The following DLEC1 variants were observed in gnomAD, a reference collection of about 807,000 sequenced individuals.
DLEC1 encodes deleted in lung and esophageal cancer protein 1.
DLEC1 carries 146 observed loss-of-function variants against 198.1 expected under a neutral mutation model. That is an observed-to-expected ratio of 0.74 (90% CI 0.64 to 0.85). The LOEUF (loss-of-function observed/expected upper bound fraction) is 0.85. DLEC1 is among the 40% of genes least tolerant of loss of function. DLEC1 has a pLI of 0.00. For synonymous variants in DLEC1, 897 were observed against 866.8 expected (o/e 1.03, Z -0.61); for missense variants, 2,233 against 2,220.0 (o/e 1.01, Z -0.12).
At chr3:38,085,963 C>A (rs1698434101) in intron 8 of DLEC1, among the ~76,000 whole-genome samples, 1 of 152,192 alleles carries the variant, frequency 6.6e-6, no homozygotes, top group Admixed American at 6.5e-5. Context: ...GCTGGGTGGC[C>A]CTGGCTGAGC....
chr3:38,072,244 G>T (rs1403137400), intron 6 of DLEC1, among the ~76,000 whole-genome samples: 1 of 152,196 alleles, frequency 6.6e-6, no homozygotes, highest in African/African-American at 2.4e-5. Context: ...AGGAGCCGGG[G>T]AGCAGAAAGT....
At chr3:38,054,222 C>A (rs1040282441) in intron 2 of DLEC1, among the ~76,000 whole-genome samples, 6 of 148,514 alleles carry the variant, frequency 4.0e-5, no homozygotes, top group Non-Finnish European at 5.9e-5. Flanking sequence ...AACAAAAAAA[C>A]AAACAAACAA....
At chr3:38,045,917 C>A (rs749000878) in intron 2 of DLEC1, among the ~76,000 whole-genome samples, 17 of 152,270 alleles carry the variant, frequency 1.1e-4, no homozygotes, top group South Asian at 6.2e-4. Flanking sequence ...CAGCATATAA[C>A]CCCCACAACC....
rs200230021 is a variant in DLEC1 at position 38,122,549 on chromosome 3, C to T, written c.*137C>T. 2.1e-4 allele frequency: 337 copies of T among 1,609,314 alleles called. No homozygotes were observed. The highest frequency in any genetic ancestry group is 2.7e-4 in the Non-Finnish European group (322 of 1,178,876). ...GGGCAGCTCCTGGAATGGAAGAACC[C>T]CCTTCCACAATGGTCTCAGCCTAGG... is the stretch of plus-strand genomic sequence containing the variant. On this transcript the variant is annotated 3_prime_UTR_variant, in exon 37 of 37. Coordinates refer to ENST00000308059, the MANE Select transcript of DLEC1 (RefSeq NM_007335.4).
rs7652276 is a variant in DLEC1 at position 38,084,214 on chromosome 3, G to A, written c.1230G>A (p.Pro410=). 507,354 of 1,612,136 alleles carry A rather than the reference G, an allele frequency of 0.31. 82,454 individuals are homozygous for A. The highest frequency in any genetic ancestry group is 0.51 in the East Asian group (22,753 of 44,836). Residue 410 remains proline, a synonymous_variant, in exon 7 of 37, where the codon CCG becomes CCA. Coordinates refer to ENST00000308059, the MANE Select transcript of DLEC1 (RefSeq NM_007335.4). ...TTTSRYLRVL[P]PSTPYFALGL... ...CCAGCCGCTACCTGCGAGTCCTCCCGCCTTCCACGCCATACTTCGCTCTGG... is the reference window on the plus strand; with the variant it reads ...CCAGCCGCTACCTGCGAGTCCTCCCACCTTCCACGCCATACTTCGCTCTGG...
rs1210461598 is a variant in DLEC1 at position 38,097,817 on chromosome 3, C to G, written c.2639C>G (p.Ser880Cys). 1.2e-6 allele frequency: 2 copies of G among 1,614,222 alleles called. No homozygotes were observed. The highest frequency in any genetic ancestry group is 2.2e-5 in the South Asian group (2 of 91,086). Residue 880 changes from serine to cysteine, a missense_variant, in exon 18 of 37, where the codon TCC (serine) becomes TGC (cysteine). Ser to Cys is a moderately radical substitution (Grantham distance 112). Coordinates refer to ENST00000308059, the MANE Select transcript of DLEC1 (RefSeq NM_007335.4). The stretch of plus-strand genomic sequence containing the variant: ...CGCCTGGGGCAGAAAGCCACAAACT[C>G]CATCCAGATCCGGAACGTCAGCCAG... ...LLRLGQKATNSIQIRNVSQLP... is the reference protein window; with the variant it reads ...LLRLGQKATNCIQIRNVSQLP...
In DLEC1 at chr3:38,108,422, A is replaced by G. The variant is rs1426729283; in HGVS notation, c.3036A>G (p.Ala1012=). The change falls in exon 21 of 37, where the codon GCA becomes GCG. Residue 1012 remains alanine (A), a synonymous_variant. Coordinates refer to ENST00000308059, the MANE Select transcript of DLEC1 (RefSeq NM_007335.4). ...FHWGKLLGHQ[A]EFCMVTVSPK... Reference sequence around the variant, plus strand: ...TCTGCCAGCTCCTCGGACACCAAGCAGAATTCTGCATGGTGACAGTCTCCC... The same window carrying G: ...TCTGCCAGCTCCTCGGACACCAAGCGGAATTCTGCATGGTGACAGTCTCCC... 1 of 1,614,124 alleles carries G rather than the reference A, an allele frequency of 6.2e-7. No individual in the cohort carries two copies. Among genetic ancestry groups the G allele is most frequent in the East Asian group, 2.2e-5 (1 of 44,888 alleles).
chr3:38,046,827 G>A (rs1288751818), intron 2 of DLEC1, among the ~76,000 whole-genome samples: 2 of 147,376 alleles, frequency 1.4e-5, no homozygotes, highest in Non-Finnish European at 3.0e-5. Context: ...CATGTCACAT[G>A]CAATTGTCAT....
chr3:38,072,788 A>G (rs184347889), intron 6 of DLEC1, among the ~76,000 whole-genome samples: 1 of 152,310 alleles, frequency 6.6e-6, no homozygotes, highest in East Asian at 1.9e-4. Flanking sequence ...GTGTGTTTTT[A>G]TGAAGAATTA....
In DLEC1 at chr3:38,039,314, C is replaced by A. The variant is rs370091458; in HGVS notation, c.89C>A (p.Pro30Gln). The change falls in exon 1 of 37, where the codon CCA becomes CAA. Residue 30 changes from proline (P) to glutamine (Q), a missense_variant. Physicochemically the swap from Pro to Gln is moderately conservative, Grantham distance 76. Coordinates refer to ENST00000308059, the MANE Select transcript of DLEC1 (RefSeq NM_007335.4). ...QGTMWAPTSP[P>Q]AGSSSPSQPT... ...ACAATGTGGGCGCCAACTTCGCCAC[C>A]AGCCGGGTCCAGCAGCCCCAGCCAG... 6.2e-7 allele frequency: 1 copy of A among 1,614,228 alleles called. No homozygotes were observed. The highest frequency in any genetic ancestry group is 1.1e-5 in the South Asian group (1 of 91,086).
chr3:38,078,047 G>A (rs1697732972), intron 6 of DLEC1, among the ~76,000 whole-genome samples: 1 of 152,184 alleles, frequency 6.6e-6, no homozygotes, highest in South Asian at 2.1e-4. Context: ...CATGATCAGG[G>A]TGAGGGACAG....
At chr3:38,076,627 G>A (rs1042631581) in intron 6 of DLEC1, among the ~76,000 whole-genome samples, 3 of 152,140 alleles carry the variant, frequency 2.0e-5, no homozygotes, top group Admixed American at 1.3e-4. Flanking sequence ...AGTTAAGGTG[G>A]GGCAGGGCAT....
At position 38,095,947 on chromosome 3, in the gene DLEC1, GTGAGAGAAA is replaced by G; in HGVS notation, c.2171+2_2171+10del. 6.2e-7 allele frequency: 1 copy of G among 1,613,600 alleles called. No individual in the cohort carries two copies. The highest frequency in any genetic ancestry group is 1.1e-5 in the South Asian group (1 of 91,048). On this transcript the variant is annotated splice_donor_variant and splice_donor_5th_base_variant and intron_variant, in intron 14 of 36. Transcript: ENST00000308059. LOFTEE classifies it high-confidence loss of function. Reference sequence around the variant, plus strand: ...TAGAGGAAGTCCCAGAGCCTGTAAGGTGAGAGAAACTGGGCCCTGGATGAGAAGTGGGCA... The same window carrying G: ...TAGAGGAAGTCCCAGAGCCTGTAAGGCTGGGCCCTGGATGAGAAGTGGGCA...
chr3:38,068,925 A>G (rs992209171), intron 6 of DLEC1, among the ~76,000 whole-genome samples: 1 of 152,206 alleles, frequency 6.6e-6, no homozygotes, highest in Non-Finnish European at 1.5e-5. Context: ...GTAGTATGAT[A>G]TAACTATATT....
chr3:38,084,042 C>G (rs1336289772), intron 6 of DLEC1, 116 bp from the exon 7 acceptor site: 3 of 959,938 alleles, frequency 3.1e-6, no homozygotes, highest in Non-Finnish European at 4.7e-6. Flanking sequence ...AACATGTGGC[C>G]AAGCCTATTT....
intron 3 of DLEC1, among the ~76,000 whole-genome samples, chr3:38,060,700 T>TA (rs1696632191): frequency 6.7e-6 from 1 of 148,586 alleles, no homozygotes; most frequent in Admixed American, 6.7e-5. Flanking sequence ...CACTTAGTAT[T>TA]TTTTTTTTTT....
chr3:38,123,931 C>G lies in DLEC1; in HGVS notation c.*1519C>G, dbSNP rs2125761909. 1 of 149,972 alleles carries G rather than the reference C, an allele frequency of 6.7e-6. No individual in the cohort carries two copies. The highest frequency in any genetic ancestry group is 2.0e-4 in the East Asian group (1 of 5,102). The allele number at this position is 149,972 out of a possible 1,614,324, so 9.3% of individuals were successfully genotyped here. ...CTGAGGCAGGAAAATTGCTTGAACC[C>G]AAAAGGCAGAGGTTGCAGTGAGCCG... On this transcript the variant is annotated 3_prime_UTR_variant, in exon 37 of 37. Transcript: ENST00000308059.
rs189655913 is a variant in DLEC1 at position 38,087,981 on chromosome 3, C to G, written c.1573-315C>G. ...ACTCAGCTCACCTCCTGAGTGAGAC[C>G]TTCTCACACGCTTGTCACTTTGTGT... is the stretch of plus-strand genomic sequence containing the variant. On this transcript the variant is annotated intron_variant, in intron 9 of 36. Transcript: ENST00000308059. Among the ~76,000 whole-genome samples, 5 of 152,200 alleles carry G rather than the reference C, an allele frequency of 3.3e-5. 1 individual carries two copies. In the South Asian group the frequency reaches 1.0e-3, roughly 31 times the overall value.
At chr3:38,102,092 T>C (rs1699336369) in intron 19 of DLEC1, among the ~76,000 whole-genome samples, 1 of 152,062 alleles carries the variant, frequency 6.6e-6, no homozygotes, top group Non-Finnish European at 1.5e-5. Flanking sequence ...TTCCTCTCTT[T>C]CTCTACCCTC....
Sources: gnomAD v4.1 joint callset for allele counts (sites outside exome capture counted in the v4.1 genomes callset) on GRCh38, gnomAD v4.1.1 for gene constraint, MANE v1.5 for transcripts, NCBI Gene and HGNC (gene_info 2026-07-23, HGNC 2026-07-21) for gene names.